Variants in GRK5 observed in about 807,000 individuals in gnomAD.
The protein encoded by GRK5 is g protein-coupled receptor kinase GRK5.
Under a neutral mutation model 78.4 loss-of-function variants are expected in GRK5, and 40 were observed. The ratio of observed to expected loss-of-function variants is 0.51; its 90% CI spans 0.40 to 0.66. The LOEUF is 0.66. Ranked by LOEUF, GRK5 falls within the 30% of genes least tolerant of loss-of-function variation. The pLI is 0.00. For missense variants in GRK5, 598 were observed against 759.9 expected, an observed-to-expected ratio of 0.79 and a Z score of 2.50; for synonymous variants, 289 against 296.8, an observed-to-expected ratio of 0.97 and a Z score of 0.27.
intron 3 of GRK5, 115 bp from the exon 4 acceptor site, chr10:119,396,580 A>T: frequency 2.5e-6 from 2 of 795,722 alleles, no homozygotes; most frequent in Non-Finnish European, 4.2e-6. Context: ...CCTGCAGGAG[A>T]AGGGGGTTGG....
At chr10:119,278,926 G>T (rs1317249252) in intron 1 of GRK5, among the ~76,000 whole-genome samples, 1 of 152,184 alleles carries the variant, frequency 6.6e-6, no homozygotes, top group Non-Finnish European at 1.5e-5. Context: ...TGCCCAGGCT[G>T]GAGTGCAGTG....
At chr10:119,216,702 C>T (rs1220171678) in intron 1 of GRK5, among the ~76,000 whole-genome samples, 1 of 152,142 alleles carries the variant, frequency 6.6e-6, no homozygotes, top group Non-Finnish European at 1.5e-5. Flanking sequence ...CCTGTAATCC[C>T]AGCACTTTGG....
chr10:119,432,284 ACT>A (rs569759456), intron 8 of GRK5, among the ~76,000 whole-genome samples: 143 of 152,280 alleles, frequency 9.4e-4, no homozygotes, highest in African/African-American at 3.3e-3. Context: ...TCTGCTACAC[ACT>A]GTTATAAAAA....
intron 4 of GRK5, among the ~76,000 whole-genome samples, chr10:119,411,787 C>T (rs1215584985): frequency 6.8e-6 from 1 of 147,334 alleles, no homozygotes; most frequent in Non-Finnish European, 1.5e-5. Flanking sequence ...AATTAACAAA[C>T]AAACAAACAA....
chr10:119,415,196 C>T (rs1462390546), intron 4 of GRK5, among the ~76,000 whole-genome samples: 2 of 151,904 alleles, frequency 1.3e-5, no homozygotes, highest in African/African-American at 4.8e-5. Context: ...AACGGTCCTG[C>T]CTGCTGGGAG....
chr10:119,246,508 T>A (rs1849116277), intron 1 of GRK5, among the ~76,000 whole-genome samples: 1 of 152,180 alleles, frequency 6.6e-6, no homozygotes. Flanking sequence ...CCTGATGTAA[T>A]GGGAAGCATT....
At chr10:119,385,858 A>G (rs772834906) in intron 3 of GRK5, among the ~76,000 whole-genome samples, 2 of 152,014 alleles carry the variant, frequency 1.3e-5, no homozygotes, top group Non-Finnish European at 2.9e-5. Flanking sequence ...TGGGCTGGAA[A>G]TGGAAAATTG....
intron 1 of GRK5, among the ~76,000 whole-genome samples, chr10:119,303,654 A>G (rs755047665): frequency 6.6e-6 from 1 of 152,170 alleles, no homozygotes; most frequent in Non-Finnish European, 1.5e-5. Context: ...TTGGGTTTGC[A>G]TAACTCTGGC....
chr10:119,436,324 A>C (rs1464714928), intron 8 of GRK5, among the ~76,000 whole-genome samples: 1 of 152,230 alleles, frequency 6.6e-6, no homozygotes, highest in Non-Finnish European at 1.5e-5. Flanking sequence ...GGCACCCTCC[A>C]GTCTTCCCCA....
intron 4 of GRK5, among the ~76,000 whole-genome samples, chr10:119,410,609 C>T (rs1296925899): frequency 2.6e-5 from 4 of 152,144 alleles, no homozygotes; most frequent in Non-Finnish European, 4.4e-5. Context: ...GCCACACGGC[C>T]CTCACTTGGT....
chr10:119,447,373 C>G (rs898107913), intron 12 of GRK5, among the ~76,000 whole-genome samples: 2 of 152,204 alleles, frequency 1.3e-5, no homozygotes, highest in Non-Finnish European at 2.9e-5. Flanking sequence ...AGCCCCCTCC[C>G]CTTGACCCAT....
chr10:119,394,307 T>TTTGTGTGTGTGTCTGTGGGTGTGTGTG (rs1851967522), intron 3 of GRK5, among the ~76,000 whole-genome samples: 1 of 13,388 alleles, frequency 7.5e-5, no homozygotes, highest in Non-Finnish European at 3.5e-4. Flanking sequence ...TGTGTCTGTG[T>TTTGTGTGTGTGTCTGTGGGTGTGTGTG]GGGCACGTGG....
At chr10:119,416,091 C>T (rs1246019001) in intron 4 of GRK5, among the ~76,000 whole-genome samples, 1 of 150,184 alleles carries the variant, frequency 6.7e-6, no homozygotes, top group Non-Finnish European at 1.5e-5. Flanking sequence ...TTCAGTCCCG[C>T]TTCATCCCTG....
At chr10:119,357,221 G>A (rs1007365576) in intron 2 of GRK5, among the ~76,000 whole-genome samples, 3 of 152,260 alleles carry the variant, frequency 2.0e-5, no homozygotes, top group East Asian at 1.9e-4. Context: ...TGTAAGTGCA[G>A]ATGAAGCTTG....
Position 119,431,452 on chromosome 10 carries a change from G to A in GRK5, c.663G>A (p.Arg221=), listed in dbSNP as rs1316986070. ...CCTGCAAGCGCTTGGAGAAGAAGAG[G>A]ATCAAAAAGAGGAAAGGGGAGTCCA... The part of the protein sequence containing the change: ...MYACKRLEKK[R]IKKRKGESMA... Residue 221 remains arginine, a synonymous_variant, in exon 8 of 16, where the codon AGG becomes AGA. Coordinates refer to ENST00000392870, the MANE Select transcript of GRK5 (RefSeq NM_005308.3). The surrounding 1 kb of genome is among the most constrained non-coding windows in gnomAD (Gnocchi z 4.8). The A allele has an allele frequency of 1.2e-6, 2 of 1,614,044 alleles. No individual in the cohort carries two copies. The highest frequency in any genetic ancestry group is 1.7e-6 in the Non-Finnish European group (2 of 1,179,954).
At chr10:119,394,963 C>A (rs973423363) in intron 3 of GRK5, among the ~76,000 whole-genome samples, 1 of 151,054 alleles carries the variant, frequency 6.6e-6, no homozygotes, top group African/African-American at 2.4e-5. Flanking sequence ...ATTCATCTCT[C>A]GAGTCAAATC....
intron 1 of GRK5, 64 bp from the exon 2 acceptor site, chr10:119,326,452 C>T (rs1181679051): frequency 1.5e-6 from 2 of 1,363,828 alleles, no homozygotes; most frequent in East Asian, 2.3e-5. Flanking sequence ...GGTGGGCAGG[C>T]TCACTGCGGG....
intron 1 of GRK5, among the ~76,000 whole-genome samples, chr10:119,218,107 G>A (rs914561003): frequency 1.4e-5 from 2 of 145,188 alleles, no homozygotes; most frequent in Non-Finnish European, 3.0e-5. Context: ...TGTGTGTTGC[G>A]TTAATGTTGC....
chr10:119,318,598 G>A (rs1162846257), intron 1 of GRK5, among the ~76,000 whole-genome samples: 2 of 152,138 alleles, frequency 1.3e-5, no homozygotes, highest in Non-Finnish European at 2.9e-5. Flanking sequence ...GGTGATCACA[G>A]GGCTCTGGGG....
Sources: allele counts gnomAD v4.1 joint callset (sites outside exome capture counted in the v4.1 genomes callset), GRCh38; gene constraint gnomAD v4.1.1; non-coding constraint Gnocchi (gnomAD v3.1); transcripts MANE v1.5; gene names NCBI Gene and HGNC (gene_info 2026-07-23, HGNC 2026-07-21).